Variants in NPAS3 observed in about 807,000 individuals in gnomAD.
The protein encoded by NPAS3 is neuronal PAS domain protein 3, also known as neuronal PAS domain-containing protein 3.
NPAS3 carries 14 observed loss-of-function variants against 73.1 expected under a neutral mutation model. That is an observed-to-expected ratio of 0.19 (90% CI 0.13 to 0.30). NPAS3 has a LOEUF of 0.30. Among genes scored for constraint, NPAS3 ranks in the 10% least tolerant of loss-of-function variants. The pLI is 1.00. For synonymous variants in NPAS3, 620 were observed against 541.5 expected (o/e 1.14, Z -2.01); for missense variants, 1,096 against 1,250.0 (o/e 0.88, Z 1.86).
intron 5 of NPAS3, among the ~76,000 whole-genome samples, chr14:33,565,197 G>A (rs1298014025): frequency 6.6e-6 from 1 of 152,216 alleles, no homozygotes; most frequent in Non-Finnish European, 1.5e-5. Context: ...TTTAAGCCAT[G>A]CAGATATATT....
chr14:33,257,033 C>A (rs762265719), intron 3 of NPAS3, among the ~76,000 whole-genome samples: 11 of 152,122 alleles, frequency 7.2e-5, no homozygotes, highest in Non-Finnish European at 8.8e-5. Flanking sequence ...GGCTTGGATC[C>A]ACTTAGAGTT....
chr14:32,982,022 A>G (rs769587785), intron 1 of NPAS3, among the ~76,000 whole-genome samples: 5 of 152,194 alleles, frequency 3.3e-5, no homozygotes, highest in Non-Finnish European at 7.3e-5. Flanking sequence ...ATATCTTACC[A>G]GGAACTCTGT....
chr14:33,023,283 G>A (rs570020373), intron 1 of NPAS3, among the ~76,000 whole-genome samples: 1 of 152,140 alleles, frequency 6.6e-6, no homozygotes, highest in South Asian at 2.1e-4. Flanking sequence ...AATATTACAA[G>A]GTCAAATTCA....
chr14:33,482,095 A>G (rs1408393265), intron 4 of NPAS3, among the ~76,000 whole-genome samples: 1 of 151,668 alleles, frequency 6.6e-6, no homozygotes, highest in African/African-American at 2.4e-5. Context: ...AACCTCACAA[A>G]TGATGATAGT....
At chr14:33,407,596 C>T (rs895450383) in intron 4 of NPAS3, among the ~76,000 whole-genome samples, 1 of 152,100 alleles carries the variant, frequency 6.6e-6, no homozygotes, top group Non-Finnish European at 1.5e-5. Context: ...CTGGCTGATT[C>T]CTAGTCTATC....
At chr14:33,801,204 G>A (rs2138700975), downstream of NPAS3, 4 of 1,504,694 alleles carry the variant, frequency 2.7e-6, no homozygotes, top group South Asian at 5.1e-5. Context: ...TTGAATTCGA[G>A]CAGGTCAGCG....
At chr14:33,082,864 A>T (rs2041903282) in intron 2 of NPAS3, among the ~76,000 whole-genome samples, 1 of 152,148 alleles carries the variant, frequency 6.6e-6, no homozygotes, top group African/African-American at 2.4e-5. Flanking sequence ...TACTCTTTAA[A>T]TTATAGCTGT....
chr14:33,668,771 A>G (rs916604909), intron 5 of NPAS3, among the ~76,000 whole-genome samples: 1 of 152,216 alleles, frequency 6.6e-6, no homozygotes, highest in African/African-American at 2.4e-5. Context: ...GAGAGCTGAG[A>G]TCATGCCACT....
chr14:33,674,512 G>A (rs1567114940), intron 5 of NPAS3, among the ~76,000 whole-genome samples: 2 of 152,282 alleles, frequency 1.3e-5, no homozygotes, highest in Non-Finnish European at 2.9e-5. Context: ...TTATTACTGT[G>A]TGAAGTGCTT....
At chr14:33,446,041 G>A (rs1485504446) in intron 4 of NPAS3, among the ~76,000 whole-genome samples, 1 of 150,528 alleles carries the variant, frequency 6.6e-6, no homozygotes, top group Non-Finnish European at 1.5e-5. Context: ...TTTCCTCAAT[G>A]ATAGCTTCAA....
At chr14:33,464,618 T>C (rs1460217451) in intron 4 of NPAS3, among the ~76,000 whole-genome samples, 4 of 152,232 alleles carry the variant, frequency 2.6e-5, no homozygotes, top group South Asian at 2.1e-4. Flanking sequence ...GTGAAGCTAG[T>C]AGTCATTTAT....
At chr14:33,377,114 C>T (rs1315145) in intron 4 of NPAS3, among the ~76,000 whole-genome samples, 115,230 of 152,084 alleles carry the variant, frequency 0.76, 44,157 homozygotes, top group Admixed American at 0.83. Flanking sequence ...ATCCATTTGA[C>T]AGTTCAGGTT....
intron 9 of NPAS3, among the ~76,000 whole-genome samples, chr14:33,786,599 C>T (rs971736532): frequency 2.0e-5 from 3 of 152,224 alleles, no homozygotes; most frequent in South Asian, 2.1e-4. Flanking sequence ...CCAAGTCAGA[C>T]GCCCTTTGCG....
rs17100408 is a variant in NPAS3 at position 33,232,084 on chromosome 14, C to T, written c.385+16658C>T. ...ACATTTCAGCACATTCTAGCCAGAA[C>T]CCCCCAAAATAGATTGAGTGACAGT... On this transcript the variant is annotated intron_variant, in intron 3 of 11. Coordinates refer to ENST00000356141, the Ensembl canonical transcript of NPAS3. Among the ~76,000 whole-genome samples the T allele has an allele frequency of 6.7e-3, 1,013 of 152,212 alleles. 6 individuals carry two copies. The highest frequency in any genetic ancestry group is 0.023 in the African/African-American group (964 of 41,546).
chr14:33,469,719 A>G (rs1262817673), intron 4 of NPAS3, among the ~76,000 whole-genome samples: 4 of 152,044 alleles, frequency 2.6e-5, no homozygotes, highest in Non-Finnish European at 5.9e-5. Flanking sequence ...TGTTCTGAAC[A>G]CTCTCTTCTT....
intron 1 of NPAS3, 104 bp from the exon 2 acceptor site, chr14:33,055,801 G>GCCATATCAT: frequency 1.7e-6 from 1 of 593,570 alleles, no homozygotes; most frequent in South Asian, 2.3e-5. Context: ...GCTCAAAAGC[G>GCCATATCAT]TAAAAAGCAA....
At chr14:33,160,496 TGG>T (rs1367537928) in intron 2 of NPAS3, among the ~76,000 whole-genome samples, 5 of 37,124 alleles carry the variant, frequency 1.3e-4, no homozygotes, top group African/African-American at 5.6e-4. Context: ...TGTTGTGGGG[TGG>T]GGGGAGGGGG....
intron 3 of NPAS3, among the ~76,000 whole-genome samples, chr14:33,293,746 A>G (rs1446534679): frequency 3.9e-5 from 6 of 152,216 alleles, no homozygotes; most frequent in Non-Finnish European, 8.8e-5. Flanking sequence ...CTACAGTGCC[A>G]TATTTTGTGT....
At chr14:33,483,355 T>C (rs2051423932) in intron 4 of NPAS3, among the ~76,000 whole-genome samples, 1 of 152,194 alleles carries the variant, frequency 6.6e-6, no homozygotes, top group Non-Finnish European at 1.5e-5. Context: ...GGTTTTGTTT[T>C]GTTCTGTTTG....
Sources: gnomAD v4.1 joint callset for allele counts (sites outside exome capture counted in the v4.1 genomes callset) on GRCh38, gnomAD v4.1.1 for gene constraint, MANE v1.5 for transcripts, NCBI Gene and HGNC (gene_info 2026-07-23, HGNC 2026-07-21) for gene names.